TESK2: variants seen among roughly 807,000 people sequenced by gnomAD.
TESK2 encodes the protein dual specificity testis-specific protein kinase 2.
A neutral mutation model predicts 57.1 loss-of-function variants in TESK2; 39 were observed. That is an observed-to-expected ratio of 0.68 (90% CI 0.53 to 0.89). The LOEUF (loss-of-function observed/expected upper bound fraction) is 0.89, where lower values mean the gene tolerates loss of function less well. Ranked by LOEUF, TESK2 falls within the 40% of genes least tolerant of loss-of-function variation. The probability of loss-of-function intolerance (pLI) is 0.00; values close to 1 mark genes in which losing one functional copy is unlikely to be tolerated. For synonymous variants in TESK2, 249 were observed against 267.9 expected (o/e 0.93, Z 0.69); for missense variants, 646 against 732.1 (o/e 0.88, Z 1.36).
chr1:45,423,286 A>G (rs2149287528), intron 2 of TESK2, among the ~76,000 whole-genome samples: 1 of 152,290 alleles, frequency 6.6e-6, no homozygotes. Flanking sequence ...GGCCGGGCAC[A>G]GTGGCTCACG....
chr1:45,435,453 A>G (rs72686472), intron 2 of TESK2, among the ~76,000 whole-genome samples: 1 of 149,374 alleles, frequency 6.7e-6, no homozygotes, highest in Non-Finnish European at 1.5e-5. Flanking sequence ...TTCTAAAGAC[A>G]GGGTCTCACT....
intron 4 of TESK2, among the ~76,000 whole-genome samples, chr1:45,364,698 TCTAA>T (rs1462123594): frequency 6.6e-6 from 1 of 152,158 alleles, no homozygotes; most frequent in Non-Finnish European, 1.5e-5. Context: ...TGACCAAACA[TCTAA>T]CTAACAGTGC....
Position 45,344,743 on chromosome 1 carries a change from C to G in TESK2, c.*97G>C, listed in dbSNP as rs1323205493. On this transcript the variant is annotated 3_prime_UTR_variant, in exon 11 of 11. Transcript: ENST00000372086. ...CCTGGCTTGGCCTAGCCTGCCTGCT[C>G]TGTAGGCTCCAGGGAAGAATCAAGG... 1 of 1,235,300 alleles carries G rather than the reference C, an allele frequency of 8.1e-7. No individual in the cohort carries two copies. Among genetic ancestry groups the G allele is most frequent in the South Asian group, 1.5e-5 (1 of 67,532 alleles). The allele number at this position is 1,235,300 out of a possible 1,614,324, so 76.5% of individuals were successfully genotyped here. A position where few individuals can be genotyped will look rare whatever the true frequency, so the allele number is the denominator to read the frequency against.
rs149120113 is a variant in TESK2 at position 45,448,013 on chromosome 1, A to ATGTG, written c.222+9547_222+9550dup. Among the ~76,000 whole-genome samples, 86 of 148,340 alleles carry ATGTG rather than the reference A, an allele frequency of 5.8e-4. 1 individual carries two copies. The highest frequency in any genetic ancestry group is 1.8e-3 in the African/African-American group (72 of 40,536). ...TCACATTCACAGATAGGAAGACTCA[A>ATGTG]TGTGTGTGTGTGTGTGTGTGTATTT... On this transcript the variant is annotated intron_variant, in intron 2 of 10. Transcript: ENST00000372086.
intron 1 of TESK2, among the ~76,000 whole-genome samples, chr1:45,474,403 G>C (rs1412638439): frequency 6.6e-6 from 1 of 152,080 alleles, no homozygotes; most frequent in Non-Finnish European, 1.5e-5. Flanking sequence ...AAGACAGGAG[G>C]ACTGCTTGAG....
chr1:45,476,884 T>C (rs988022222), intron 1 of TESK2, among the ~76,000 whole-genome samples: 1 of 151,008 alleles, frequency 6.6e-6, no homozygotes. Context: ...CAGTCACTCA[T>C]GCCTATAATC....
intron 2 of TESK2, among the ~76,000 whole-genome samples, chr1:45,422,918 TGCCACCGC>T (rs1432005250): frequency 1.3e-5 from 2 of 151,536 alleles, no homozygotes; most frequent in Non-Finnish European, 2.9e-5. Flanking sequence ...TACAAGCGCC[TGCCACCGC>T]GCCCAGCTAA....
chr1:45,356,959 C>T (rs547824914), intron 4 of TESK2, among the ~76,000 whole-genome samples: 69 of 152,016 alleles, frequency 4.5e-4, no homozygotes, highest in African/African-American at 1.6e-3. Context: ...TTTGGGAGGC[C>T]GAGGCGGGTG....
chr1:45,414,736 G>C (rs1353147919), intron 3 of TESK2, among the ~76,000 whole-genome samples: 1 of 152,178 alleles, frequency 6.6e-6, no homozygotes, highest in East Asian at 1.9e-4. Flanking sequence ...CTAGCTTCAT[G>C]TGGCAATTTA....
chr1:45,473,793 A>C (rs1425943318), intron 1 of TESK2, among the ~76,000 whole-genome samples: 1 of 147,310 alleles, frequency 6.8e-6, no homozygotes, highest in Non-Finnish European at 1.5e-5. Flanking sequence ...AAAGACAATT[A>C]GGGATTTTTT....
At chr1:45,430,589 T>C (rs1650908459) in intron 2 of TESK2, among the ~76,000 whole-genome samples, 1 of 152,216 alleles carries the variant, frequency 6.6e-6, no homozygotes, top group Non-Finnish European at 1.5e-5. Flanking sequence ...TCTTTGCCTT[T>C]TGGGATACCA....
chr1:45,448,237 C>CAAAAAAAAAAAAAAAAAAA (rs762537140), intron 2 of TESK2, among the ~76,000 whole-genome samples: 1 of 84,378 alleles, frequency 1.2e-5, no homozygotes, highest in Non-Finnish European at 2.3e-5. Flanking sequence ...GACCCTGTCT[C>CAAAAAAAAAAAAAAAAAAA]AAAAAAAAAA....
At position 45,346,693 on chromosome 1, in the gene TESK2, G is replaced by A. The variant is rs372509958; in HGVS notation, c.879C>T (p.Asn293=). The A allele has an allele frequency of 4.3e-6, 7 of 1,612,358 alleles. No homozygotes were observed. In the African/African-American group the frequency reaches 5.3e-5, roughly 12 times the overall value. ...DFLQLTFNCC[N]MDPKLRPSFV... ...AAGGCAGAGGGAGAAAGACACTCAC[G>A]TTACAGCAGTTGAAAGTAAGTTGCA... Residue 293 remains asparagine, a splice_region_variant and synonymous_variant, in exon 9 of 11, where the codon AAC becomes AAT. Transcript: ENST00000372086.
chr1:45,384,862 C>A (rs1270121270), intron 4 of TESK2, among the ~76,000 whole-genome samples: 1 of 152,044 alleles, frequency 6.6e-6, no homozygotes, highest in African/African-American at 2.4e-5. Context: ...ATGCTCTTAA[C>A]CTCTTCACCA....
chr1:45,421,881 AG>A (rs1424181679), intron 2 of TESK2, 35 bp from the exon 3 acceptor site: 1 of 1,611,392 alleles, frequency 6.2e-7, no homozygotes. Context: ...AAGAGGGTCA[AG>A]GGCAATAGTT....
chr1:45,457,407 A>G (rs1447598587), intron 2 of TESK2, among the ~76,000 whole-genome samples, 157 bp downstream of exon 2: 1 of 152,160 alleles, frequency 6.6e-6, no homozygotes, highest in Non-Finnish European at 1.5e-5. Flanking sequence ...ATCTTAATAT[A>G]AGTTAATAAA....
intron 1 of TESK2, among the ~76,000 whole-genome samples, chr1:45,465,890 A>T (rs1180478329): frequency 6.6e-6 from 1 of 152,222 alleles, no homozygotes. Context: ...GAATGTATTT[A>T]AAAAGTAATG....
In TESK2 at chr1:45,436,909, C is replaced by T. The variant is rs982451288; in HGVS notation, c.223-15063G>A. Among the ~76,000 whole-genome samples, 8 of 152,072 alleles carry T rather than the reference C, an allele frequency of 5.3e-5. No individual in the cohort carries two copies. The East Asian group carries it at 5.8e-4, about 11-fold the overall frequency. ...GCCTCCCAGGCTCAAGCGATCCTCCCGCCTCAGCTTCCCAAGTACTTGGAA... is the reference window on the plus strand; with the variant it reads ...GCCTCCCAGGCTCAAGCGATCCTCCTGCCTCAGCTTCCCAAGTACTTGGAA... On this transcript the variant is annotated intron_variant, in intron 2 of 10. Transcript: ENST00000372086.
intron 2 of TESK2, among the ~76,000 whole-genome samples, chr1:45,448,112 C>A (rs1402904339): frequency 1.3e-5 from 2 of 148,206 alleles, no homozygotes; most frequent in African/African-American, 5.0e-5. Context: ...CTAATGCACA[C>A]TTGTACTCTC....
Sources: allele counts gnomAD v4.1 joint callset (sites outside exome capture counted in the v4.1 genomes callset), GRCh38; gene constraint gnomAD v4.1.1; transcripts MANE v1.5; gene names NCBI Gene and HGNC (gene_info 2026-07-23, HGNC 2026-07-21).